CENPL: variants seen among roughly 807,000 people sequenced by gnomAD.
The protein encoded by CENPL is centromere protein L, also known as interphase centromere complex protein 33.
CENPL carries 20 observed loss-of-function variants against 35.2 expected under a neutral mutation model. That is an observed-to-expected ratio of 0.57 (90% CI 0.40 to 0.83). CENPL has a LOEUF of 0.83. CENPL is among the 40% of genes least tolerant of loss of function. CENPL has a pLI of 0.00. For synonymous variants in CENPL, 140 were observed against 140.6 expected, an observed-to-expected ratio of 1.00 and a Z score of 0.03; for missense variants, 363 against 395.8, an observed-to-expected ratio of 0.92 and a Z score of 0.70.
In CENPL at chr1:173,801,025, C is replaced by T. The variant is rs573020168; in HGVS notation, c.964-506G>A. 4.6e-5 allele frequency among the ~76,000 whole-genome samples: 7 copies of T among 152,218 alleles called. No homozygotes were observed. The South Asian group carries it at 1.5e-3, about 32-fold the overall frequency. On this transcript the variant is annotated intron_variant, in intron 5 of 5. Transcript: ENST00000682279. Reference sequence around the variant, plus strand: ...TTTTGTTTTTTAATGCTGGTCTCATCAAAATTATTTCCCAACCTACTGTTG... The same window carrying T: ...TTTTGTTTTTTAATGCTGGTCTCATTAAAATTATTTCCCAACCTACTGTTG...
At chr1:173,802,172 T>C (rs897179139) in intron 5 of CENPL, among the ~76,000 whole-genome samples, 1 of 152,164 alleles carries the variant, frequency 6.6e-6, no homozygotes, top group African/African-American at 2.4e-5. Context: ...TATTTTAATA[T>C]ATTTTAGGAG....
chr1:173,821,539 T>C (rs1651944640), intron 2 of CENPL, among the ~76,000 whole-genome samples: 1 of 152,174 alleles, frequency 6.6e-6, no homozygotes, highest in Non-Finnish European at 1.5e-5. Context: ...GGGATGGTTT[T>C]GAAAAAACAT....
chr1:173,816,497 T>C (rs1262112804), intron 2 of CENPL, among the ~76,000 whole-genome samples: 1 of 151,976 alleles, frequency 6.6e-6, no homozygotes, highest in East Asian at 1.9e-4. Context: ...TATAGACCAA[T>C]GGAACAGAAC....
chr1:173,805,040 G>A (rs966736585), intron 4 of CENPL, among the ~76,000 whole-genome samples: 26 of 152,118 alleles, frequency 1.7e-4, no homozygotes, highest in African/African-American at 5.6e-4. Context: ...ATCAAGAAAC[G>A]AAATTTAATT....
intron 4 of CENPL, among the ~76,000 whole-genome samples, chr1:173,803,846 A>G (rs1649980981): frequency 6.6e-6 from 1 of 151,962 alleles, no homozygotes; most frequent in South Asian, 2.1e-4. Context: ...TAATTTTTGT[A>G]TTTTTAGTAG....
intron 2 of CENPL, among the ~76,000 whole-genome samples, chr1:173,815,240 C>T (rs1651243227): frequency 1.3e-5 from 2 of 152,164 alleles, no homozygotes; most frequent in African/African-American, 4.8e-5. Flanking sequence ...GATTCACAGC[C>T]AAATTCTACC....
At chr1:173,802,333 A>G (rs969120819) in intron 5 of CENPL, among the ~76,000 whole-genome samples, 1 of 151,826 alleles carries the variant, frequency 6.6e-6, no homozygotes, top group East Asian at 2.0e-4. Flanking sequence ...AGCCTCCCCC[A>G]GTAGCTGGGA....
Position 173,824,805 on chromosome 1 carries a change from T to TA in CENPL, c.-696dup, listed in dbSNP as rs2102628863. ...TCTGCGAGATTTGAAACGCGACTGT[T>TA]ACTCCTTGTTTTCCGGTTCTGGCCG... On this transcript the variant is annotated 5_prime_UTR_variant, in exon 1 of 6. Transcript: ENST00000682279. 4.9e-6 allele frequency: 1 copy of TA among 205,620 alleles called. No homozygotes were observed. The highest frequency in any genetic ancestry group is 2.3e-5 in the African/African-American group (1 of 43,104). The allele number at this position is 205,620 out of a possible 1,614,324, so 12.7% of individuals were successfully genotyped here.
intron 3 of CENPL, among the ~76,000 whole-genome samples, chr1:173,808,146 G>A (rs998441312): frequency 6.6e-6 from 1 of 152,048 alleles, no homozygotes; most frequent in Non-Finnish European, 1.5e-5. Context: ...AGTGGCTGAC[G>A]ACTGTAATCC....
intron 4 of CENPL, 93 bp downstream of exon 4, chr1:173,807,174 T>C: frequency 8.3e-7 from 1 of 1,197,884 alleles, no homozygotes; most frequent in East Asian, 2.7e-5. Context: ...TAGGAAAAAA[T>C]TTTTTAAGTT....
rs1335290339 is a variant in CENPL, at chr1:173,811,218, G to A, written c.82C>T (p.Gln28Ter). 1 of 1,613,826 alleles carries A rather than the reference G, an allele frequency of 6.2e-7. No homozygotes were observed. The highest frequency in any genetic ancestry group is 1.1e-5 in the South Asian group (1 of 91,072). ...TTCCTGACCGATTCTAATCGTTTCT[G>A]CAGAGGAGTGGCACCTATAAAGTAA... is the stretch of plus-strand genomic sequence containing the variant. ...EDYFIGATPL[Q>*]KRLESVRKQS... Residue 28 changes from glutamine to a stop codon, truncating the protein, a stop_gained, in exon 3 of 6, where the codon CAG becomes TAG. Coordinates refer to ENST00000682279, the MANE Select transcript of CENPL (RefSeq NM_001387287.1). LOFTEE classifies it high-confidence loss of function.
chr1:173,815,330 A>G (rs369854127), intron 2 of CENPL, among the ~76,000 whole-genome samples: 1 of 152,230 alleles, frequency 6.6e-6, no homozygotes, highest in East Asian at 1.9e-4. Context: ...TCCCTAACTC[A>G]TTTTATGAGG....
At chr1:173,807,941 G>A (rs532259475) in intron 3 of CENPL, among the ~76,000 whole-genome samples, 2 of 152,208 alleles carry the variant, frequency 1.3e-5, no homozygotes, top group East Asian at 1.9e-4. Flanking sequence ...TGTATAAGCT[G>A]GATGACAGCA....
In CENPL at chr1:173,807,251, T is replaced by A. The variant is rs1018566546; in HGVS notation, c.420+16A>T. The A allele has an allele frequency of 4.7e-5, 72 of 1,526,694 alleles. No homozygotes were observed. Among genetic ancestry groups the A allele is most frequent in the Non-Finnish European group, 6.3e-5 (71 of 1,129,500 alleles). The allele number at this position is 1,526,694 out of a possible 1,614,324, so 94.6% of individuals were successfully genotyped here. ...TACTTTTCCCCTAGGAAGCAAGAAC[T>A]GTTTATGTATTATACCTGGACAAGA... On this transcript the variant is annotated intron_variant, in intron 4 of 5. Transcript: ENST00000682279.
intron 2 of CENPL, among the ~76,000 whole-genome samples, chr1:173,815,770 C>G (rs1651307905): frequency 6.6e-6 from 1 of 152,156 alleles, no homozygotes; most frequent in Non-Finnish European, 1.5e-5. Context: ...CCTTTGAAAA[C>G]TGGCACAAGA....
intron 2 of CENPL, 27 bp from the exon 3 acceptor site, chr1:173,811,333 T>A (rs762122544): frequency 3.2e-5 from 49 of 1,512,630 alleles, no homozygotes; most frequent in Non-Finnish European, 3.9e-5. Flanking sequence ...AAAACCAGAA[T>A]TCTAAGCACT....
rs143918251 is a variant in CENPL at position 173,817,132 on chromosome 1, C to T, written c.-7-5826G>A. Among the ~76,000 whole-genome samples, 581 of 150,414 alleles carry T rather than the reference C, an allele frequency of 3.9e-3. 4 individuals are homozygous for T. Among genetic ancestry groups the T allele is most frequent in the African/African-American group, 0.012 (497 of 40,424 alleles). ...TAGCCTGGGTGACAGAGCGAGACTC[C>T]GTCTCAGAAAAAAAAGAAAGCAAAA... On this transcript the variant is annotated intron_variant, in intron 2 of 5. Transcript: ENST00000682279.
intron 3 of CENPL, among the ~76,000 whole-genome samples, chr1:173,808,176 G>A (rs1213439345): frequency 6.6e-6 from 1 of 152,148 alleles, no homozygotes; most frequent in African/African-American, 2.4e-5. Context: ...GGGAGGCTGA[G>A]GCAGGCGGAT....
At chr1:173,822,687 C>T (rs1652070934) in intron 2 of CENPL, 1 of 152,218 alleles carries the variant, frequency 6.6e-6, no homozygotes, top group Admixed American at 6.5e-5. Context: ...CTTCCTTCAA[C>T]ATCACCTTTA....
Sources: allele counts gnomAD v4.1 joint callset (sites outside exome capture counted in the v4.1 genomes callset), GRCh38; gene constraint gnomAD v4.1.1; transcripts MANE v1.5; gene names NCBI Gene and HGNC (gene_info 2026-07-23, HGNC 2026-07-21).